ZHX3: variants seen among roughly 807,000 people sequenced by gnomAD.
ZHX3 encodes the protein zinc fingers and homeoboxes protein 3.
In ZHX3, 20 loss-of-function variants were observed where a neutral mutation model predicts 64.5. The ratio of observed to expected loss-of-function variants is 0.31; its 90% CI spans 0.22 to 0.45. The LOEUF is 0.45. Among genes scored for constraint, ZHX3 ranks in the 20% least tolerant of loss-of-function variants. The pLI is 1.00. For missense variants in ZHX3, 1,041 were observed against 1,195.8 expected (o/e 0.87, Z 1.91); for synonymous variants, 423 against 461.6 (o/e 0.92, Z 1.07).
intron 2 of ZHX3, among the ~76,000 whole-genome samples, chr20:41,218,677 C>T (rs1394530893): frequency 6.6e-6 from 1 of 152,150 alleles, no homozygotes; most frequent in African/African-American, 2.4e-5. Flanking sequence ...TGTGTGTGGG[C>T]AGGACCTTGG....
intron 2 of ZHX3, among the ~76,000 whole-genome samples, chr20:41,235,095 G>C (rs761261655): frequency 2.0e-5 from 3 of 152,120 alleles, no homozygotes; most frequent in Non-Finnish European, 4.4e-5. Flanking sequence ...TTGAATTATT[G>C]TAATGCTGTA....
At chr20:41,298,205 C>T (rs1421617245) in intron 1 of ZHX3, among the ~76,000 whole-genome samples, 1 of 152,144 alleles carries the variant, frequency 6.6e-6, no homozygotes, top group African/African-American at 2.4e-5. Flanking sequence ...ATTAGGAGCT[C>T]GTTGCTCTGG....
At chr20:41,312,819 G>T (rs1278766132) in intron 1 of ZHX3, among the ~76,000 whole-genome samples, 1 of 152,172 alleles carries the variant, frequency 6.6e-6, no homozygotes, top group Admixed American at 6.5e-5. Context: ...GAGCACGTCA[G>T]AGTAAGTGTG....
intron 2 of ZHX3, among the ~76,000 whole-genome samples, chr20:41,250,443 G>A (rs1475970784): frequency 6.6e-6 from 1 of 152,150 alleles, no homozygotes; most frequent in East Asian, 1.9e-4. Flanking sequence ...CAGTACTTTG[G>A]GAGGCTGAGA....
At position 41,238,514 on chromosome 20, in the gene ZHX3, A is replaced by T. The variant is rs114352969; in HGVS notation, c.-151+30476T>A. On this transcript the variant is annotated intron_variant, in intron 2 of 3. Coordinates refer to ENST00000683867, the MANE Select transcript of ZHX3 (RefSeq NM_001384317.1). ...CAAGTCAAAAATTTCTGCAAAAAAC[A>T]ACATCTTTTTGGACAAATTTACATG... 2.7e-3 allele frequency among the ~76,000 whole-genome samples: 418 copies of T among 152,326 alleles called. 3 individuals carry two copies. The highest frequency in any genetic ancestry group is 9.7e-3 in the African/African-American group (402 of 41,574).
At chr20:41,279,835 G>A (rs2146680046) in intron 1 of ZHX3, among the ~76,000 whole-genome samples, 1 of 152,224 alleles carries the variant, frequency 6.6e-6, no homozygotes, top group African/African-American at 2.4e-5. Context: ...CTAAAACTGT[G>A]AATATAACCA....
intron 1 of ZHX3, among the ~76,000 whole-genome samples, chr20:41,313,798 G>A (rs944653329): frequency 2.2e-4 from 34 of 152,104 alleles, no homozygotes; most frequent in African/African-American, 7.2e-4. Context: ...GGGTTTCACC[G>A]TGTTAGCCAG....
chr20:41,244,152 A>G lies in ZHX3; in HGVS notation c.-151+24838T>C, dbSNP rs1241385234. On this transcript the variant is annotated intron_variant, in intron 2 of 3. Coordinates refer to ENST00000683867, the MANE Select transcript of ZHX3 (RefSeq NM_001384317.1). Reference sequence around the variant, plus strand: ...ACTGTCCCCAGGTCATGACAACCAAAAAGTCTCCAGACACTGCCAAATATC... The same window carrying G: ...ACTGTCCCCAGGTCATGACAACCAAGAAGTCTCCAGACACTGCCAAATATC... Among the ~76,000 whole-genome samples, 6 of 151,958 alleles carry G rather than the reference A, an allele frequency of 3.9e-5. No individual in the cohort carries two copies. The East Asian group carries it at 9.6e-4, about 24-fold the overall frequency.
intron 1 of ZHX3, among the ~76,000 whole-genome samples, chr20:41,273,036 G>A (rs6029602): frequency 0.58 from 87,974 of 151,930 alleles, 26,774 homozygotes; most frequent in East Asian, 0.82. Flanking sequence ...ATCAATGCTT[G>A]TAATTTTGTT....
chr20:41,315,354 T>C (rs1278321311), intron 1 of ZHX3, among the ~76,000 whole-genome samples: 3 of 143,152 alleles, frequency 2.1e-5, no homozygotes, highest in African/African-American at 7.8e-5. Context: ...GGCTTTTTTT[T>C]TTTTTTTTTT....
At chr20:41,317,053 CCT>C (rs1259303131) in intron 1 of ZHX3, 2 of 152,548 alleles carry the variant, frequency 1.3e-5, no homozygotes, top group Admixed American at 1.3e-4. Flanking sequence ...GTGCAAGGGC[CCT>C]CGGGCGTGGA....
chr20:41,302,355 G>A (rs1210225440), intron 1 of ZHX3, among the ~76,000 whole-genome samples: 1 of 152,184 alleles, frequency 6.6e-6, no homozygotes, highest in Non-Finnish European at 1.5e-5. Context: ...CCACAAAGGT[G>A]TACTAACACC....
intron 2 of ZHX3, among the ~76,000 whole-genome samples, chr20:41,247,864 C>T (rs1295814703): frequency 6.6e-6 from 1 of 152,198 alleles, no homozygotes; most frequent in East Asian, 1.9e-4. Flanking sequence ...TCTGGTCCAA[C>T]CCACCCTTTC....
intron 2 of ZHX3, among the ~76,000 whole-genome samples, chr20:41,249,374 A>C (rs2041875168): frequency 6.6e-6 from 1 of 152,246 alleles, no homozygotes; most frequent in South Asian, 2.1e-4. Context: ...ACCCTACAAA[A>C]GTGACAGTTC....
chr20:41,303,397 C>T (rs2044881944), intron 1 of ZHX3, among the ~76,000 whole-genome samples: 1 of 152,216 alleles, frequency 6.6e-6, no homozygotes, highest in African/African-American at 2.4e-5. Context: ...ATTCAAAACA[C>T]AATGAGAAGC....
chr20:41,210,663 C>T (rs1456558224), intron 2 of ZHX3, among the ~76,000 whole-genome samples: 1 of 152,104 alleles, frequency 6.6e-6, no homozygotes, highest in Non-Finnish European at 1.5e-5. Context: ...TACTTGGACA[C>T]AGGGTGGGGA....
chr20:41,302,203 G>A (rs993802455), intron 1 of ZHX3, among the ~76,000 whole-genome samples: 1 of 152,074 alleles, frequency 6.6e-6, no homozygotes, highest in African/African-American at 2.4e-5. Flanking sequence ...CTCACTAGTA[G>A]GGGCTTTGAT....
At chr20:41,264,489 G>A (rs1409045079) in intron 2 of ZHX3, among the ~76,000 whole-genome samples, 1 of 149,334 alleles carries the variant, frequency 6.7e-6, no homozygotes, top group Non-Finnish European at 1.5e-5. Context: ...AACCCAGGAG[G>A]CAGTGGCTGC....
At chr20:41,243,699 A>G (rs2041523330) in intron 2 of ZHX3, among the ~76,000 whole-genome samples, 1 of 152,140 alleles carries the variant, frequency 6.6e-6, no homozygotes. Context: ...ATAACAATAC[A>G]TGGGATTTCA....
Sources: allele counts gnomAD v4.1 joint callset (sites outside exome capture counted in the v4.1 genomes callset), GRCh38; gene constraint gnomAD v4.1.1; transcripts MANE v1.5; gene names NCBI Gene and HGNC (gene_info 2026-07-23, HGNC 2026-07-21).